The following PCDHGB3 variants were observed in gnomAD, a reference collection of about 807,000 sequenced individuals.
The protein encoded by PCDHGB3 is protocadherin gamma subfamily B, 3.
In PCDHGB3, 40 loss-of-function variants were observed where a neutral mutation model predicts 59.2. The ratio of observed to expected loss-of-function variants is 0.68; its 90% CI spans 0.52 to 0.88. The LOEUF is 0.88. PCDHGB3 is among the 40% of genes least tolerant of loss of function. PCDHGB3 has a pLI of 0.00. For synonymous variants in PCDHGB3, 581 were observed against 503.6 expected (o/e 1.15, Z -2.06); for missense variants, 1,309 against 1,187.9 (o/e 1.10, Z -1.50).
intron 1 of PCDHGB3, chr5:141,398,694 T>A: frequency 6.2e-7 from 1 of 1,613,868 alleles, no homozygotes; most frequent in Non-Finnish European, 8.5e-7. Context: ...AGGATGGTAG[T>A]AAATACCCGG....
chr5:141,450,278 G>A (rs977381598), intron 1 of PCDHGB3, among the ~76,000 whole-genome samples: 1 of 152,026 alleles, frequency 6.6e-6, no homozygotes, highest in Non-Finnish European at 1.5e-5. Flanking sequence ...TCAGCTAAGT[G>A]CTGGGATTAC....
chr5:141,436,167 G>A (rs933669166), intron 1 of PCDHGB3, among the ~76,000 whole-genome samples: 2 of 152,088 alleles, frequency 1.3e-5, no homozygotes, highest in Non-Finnish European at 2.9e-5. Flanking sequence ...CATATGGACA[G>A]TTCTCATATA....
chr5:141,407,390 G>T (rs2094924861), intron 1 of PCDHGB3, among the ~76,000 whole-genome samples: 1 of 152,164 alleles, frequency 6.6e-6, no homozygotes, highest in Non-Finnish European at 1.5e-5. Flanking sequence ...GTATGTCATG[G>T]TAGGTAGTTA....
At chr5:141,502,961 A>G (rs886622146) in intron 2 of PCDHGB3, among the ~76,000 whole-genome samples, 3 of 146,786 alleles carry the variant, frequency 2.0e-5, no homozygotes, top group Non-Finnish European at 4.4e-5. Context: ...CTCCTGCCTC[A>G]GCCTCCCAAG....
At chr5:141,463,324 T>C (rs1413608053) in intron 1 of PCDHGB3, among the ~76,000 whole-genome samples, 1 of 150,722 alleles carries the variant, frequency 6.6e-6, no homozygotes, top group Non-Finnish European at 1.5e-5. Context: ...ATTCCTCAAC[T>C]CAGCAAAACC....
At chr5:141,496,637 C>T (rs907246032) in intron 2 of PCDHGB3, among the ~76,000 whole-genome samples, 6 of 152,214 alleles carry the variant, frequency 3.9e-5, no homozygotes, top group Non-Finnish European at 7.3e-5. Context: ...GCTTGGGCTG[C>T]CCTTGCCCTT....
intron 1 of PCDHGB3, chr5:141,379,377 T>C (rs1263965751): frequency 1.3e-5 from 2 of 152,208 alleles, no homozygotes; most frequent in Non-Finnish European, 2.9e-5. Flanking sequence ...TTTGATAAAA[T>C]AACAATTTTA....
intron 2 of PCDHGB3, among the ~76,000 whole-genome samples, chr5:141,497,735 C>T (rs1299892535): frequency 2.6e-5 from 4 of 152,144 alleles, no homozygotes; most frequent in Non-Finnish European, 4.4e-5. Flanking sequence ...AGATGGGTTT[C>T]GCCACGTTGG....
At chr5:141,456,695 T>C (rs1264543968) in intron 1 of PCDHGB3, among the ~76,000 whole-genome samples, 2 of 152,136 alleles carry the variant, frequency 1.3e-5, no homozygotes, top group Non-Finnish European at 2.9e-5. Flanking sequence ...CCAGGCGTGG[T>C]GGCTCGCGCC....
chr5:141,466,746 T>C (rs1035272591), intron 1 of PCDHGB3, among the ~76,000 whole-genome samples: 1 of 152,224 alleles, frequency 6.6e-6, no homozygotes, highest in African/African-American at 2.4e-5. Context: ...GTTACTCTGA[T>C]AGGGGCTCTT....
At chr5:141,471,901 G>C (rs1224804131) in intron 1 of PCDHGB3, among the ~76,000 whole-genome samples, 1 of 152,146 alleles carries the variant, frequency 6.6e-6, no homozygotes, top group Non-Finnish European at 1.5e-5. Context: ...ATTGACTACA[G>C]ACAAGCATGA....
chr5:141,403,909 A>G (rs2094466419), intron 1 of PCDHGB3: 1 of 1,613,946 alleles, frequency 6.2e-7, no homozygotes, highest in East Asian at 2.2e-5. Context: ...AAATGGAAAT[A>G]CAAGCTGAAG....
chr5:141,427,751 C>T (rs778043340), intron 1 of PCDHGB3: 1 of 1,306,072 alleles, frequency 7.7e-7, no homozygotes, highest in South Asian at 1.2e-5. Flanking sequence ...CCTACTCCAT[C>T]GTTACCACTG....
intron 1 of PCDHGB3, chr5:141,389,913 C>A (rs751155354): frequency 6.2e-7 from 1 of 1,614,092 alleles, no homozygotes; most frequent in Non-Finnish European, 8.5e-7. Context: ...CACTGACCGC[C>A]CCGACCCCTC....
chr5:141,422,175 T>G (rs2096631593), intron 1 of PCDHGB3: 1 of 1,564,276 alleles, frequency 6.4e-7, no homozygotes, highest in Non-Finnish European at 8.6e-7. Context: ...ATAGATTCTA[T>G]GAGATGGAAA....
chr5:141,410,332 C>T (rs541138780), intron 1 of PCDHGB3: 2 of 1,614,002 alleles, frequency 1.2e-6, no homozygotes, highest in Non-Finnish European at 1.7e-6. Context: ...TGATTCTGGC[C>T]ATTGCCTTGC....
At chr5:141,419,114 A>G in intron 1 of PCDHGB3, 1 of 1,613,926 alleles carries the variant, frequency 6.2e-7, no homozygotes. Flanking sequence ...CCCAGAGTAC[A>G]ACGTCACCAT....
Position 141,372,589 on chromosome 5 carries a change from G to A in PCDHGB3, c.2195G>A (p.Cys732Tyr). ...GAGGGCTACTTTCAGCCTGGTGTCT[G>A]CTTCAAGACTGTACCTGGAGTTCTC... The part of the protein sequence containing the change: ...ATEGYFQPGV[C>Y]FKTVPGVLPT... The change falls in exon 1 of 4, where the codon TGC becomes TAC. Residue 732 changes from cysteine (C) to tyrosine (Y), a missense_variant. By Grantham distance (194) the Cys-to-Tyr change is radical. Coordinates refer to ENST00000576222, the MANE Select transcript of PCDHGB3 (RefSeq NM_018924.5). The A allele has an allele frequency of 6.2e-7, 1 of 1,614,030 alleles. No homozygotes were observed. The highest frequency in any genetic ancestry group is 8.5e-7 in the Non-Finnish European group (1 of 1,179,904).
At chr5:141,500,546 G>A (rs1428503967) in intron 2 of PCDHGB3, among the ~76,000 whole-genome samples, 1 of 152,126 alleles carries the variant, frequency 6.6e-6, no homozygotes, top group African/African-American at 2.4e-5. Context: ...ACCTAAATAA[G>A]TTGTTCACAA....
Sources: allele counts gnomAD v4.1 joint callset (sites outside exome capture counted in the v4.1 genomes callset), GRCh38; gene constraint gnomAD v4.1.1; transcripts MANE v1.5; gene names NCBI Gene and HGNC (gene_info 2026-07-23, HGNC 2026-07-21).